NEMP2: variants seen among roughly 807,000 people sequenced by gnomAD.
NEMP2 encodes the protein UPF0571 transmembrane protein.
Under a neutral mutation model 54.2 loss-of-function variants are expected in NEMP2, and 53 were observed. The ratio of observed to expected loss-of-function variants is 0.98; its 90% confidence interval spans 0.78 to 1.23. NEMP2 has a LOEUF of 1.23. Among genes scored for constraint, NEMP2 ranks in the 50% most tolerant of loss-of-function variants. The pLI is 0.00. For synonymous variants in NEMP2, 197 were observed against 190.3 expected, an observed-to-expected ratio of 1.04 and a Z score of -0.29; for missense variants, 455 against 511.3, an observed-to-expected ratio of 0.89 and a Z score of 1.06.
At chr2:190,534,357 T>A (rs1691280252) in intron 1 of NEMP2, 12 of 1,200,576 alleles carry the variant, frequency 1.0e-5, no homozygotes, top group African/African-American at 3.3e-5. Flanking sequence ...AATGTCCAAC[T>A]GCCAGGCGAG....
the NEMP2 span, among the ~76,000 whole-genome samples, chr2:190,592,965 A>G: frequency 6.6e-6 from 1 of 152,222 alleles, no homozygotes; most frequent in Non-Finnish European, 1.5e-5. The surrounding 1 kb of genome is among the most constrained non-coding windows in gnomAD (Gnocchi z 4.4). Flanking sequence ...ACTTAATGTT[A>G]TTCAGAGTTC....
the NEMP2 span, among the ~76,000 whole-genome samples, chr2:190,540,147 A>C: frequency 6.6e-6 from 1 of 152,134 alleles, no homozygotes; most frequent in Non-Finnish European, 1.5e-5. Context: ...ATTTTATTGA[A>C]TGTTTTTCCA....
the NEMP2 span, among the ~76,000 whole-genome samples, chr2:190,638,329 C>T: frequency 2.0e-5 from 3 of 152,080 alleles, no homozygotes; most frequent in Non-Finnish European, 2.9e-5. The surrounding 1 kb of genome is among the most constrained non-coding windows in gnomAD (Gnocchi z 5.7). Flanking sequence ...AAGTAACCTG[C>T]CTATTTTTGA....
the NEMP2 span, among the ~76,000 whole-genome samples, chr2:190,450,090 A>T: frequency 2.0e-5 from 3 of 152,192 alleles, no homozygotes; most frequent in African/African-American, 7.2e-5. Flanking sequence ...AAAGCTCATA[A>T]AGTTTATTAC....
the NEMP2 span, chr2:190,436,893 C>T: frequency 1.9e-6 from 3 of 1,614,186 alleles, no homozygotes; most frequent in Non-Finnish European, 2.5e-6. This position sits in a 1 kb window ranked among gnomAD's most constrained non-coding sequence, Gnocchi z 5.3. Flanking sequence ...AAGCTATATT[C>T]TTGGTGATCT....
downstream of NEMP2, chr2:190,502,445 A>G (rs1652030694): frequency 6.6e-6 from 1 of 152,240 alleles, no homozygotes; most frequent in Non-Finnish European, 1.5e-5. The surrounding 1 kb of genome is among the most constrained non-coding windows in gnomAD (Gnocchi z 4.4). Context: ...TAGAAACAGT[A>G]AATTACCGAG....
At chr2:190,557,602 A>G in the NEMP2 span, among the ~76,000 whole-genome samples, 2 of 152,218 alleles carry the variant, frequency 1.3e-5, no homozygotes, top group African/African-American at 4.8e-5. Context: ...TCCAGAATCT[A>G]AAAAGAACTT....
chr2:190,478,577 T>A, the NEMP2 span, among the ~76,000 whole-genome samples: 1 of 152,190 alleles, frequency 6.6e-6, no homozygotes. Flanking sequence ...AAGGAGACTC[T>A]ATTTAGGATG....
In NEMP2 at chr2:190,525,448, G is replaced by T. The variant is rs1176212714; in HGVS notation, c.98-70C>A. On this transcript the variant is annotated intron_variant, in intron 1 of 8. Transcript: ENST00000409150. This position sits in a 1 kb window ranked among gnomAD's most constrained non-coding sequence, Gnocchi z 5.0. The stretch of plus-strand genomic sequence containing the variant: ...CCAGAATCTTTTTTAAAAAAAGTTT[G>T]CAGGGAGGTAACAGTAGCAGTTTTA... The T allele has an allele frequency of 5.8e-6, 5 of 856,790 alleles. No individual in the cohort carries two copies. In the African/African-American group the frequency reaches 6.8e-5, roughly 12 times the overall value. 53.1% of individuals were successfully genotyped at this position (856,790 alleles called of 1,614,324 possible). A position where few individuals can be genotyped will look rare whatever the true frequency, so the allele number is the denominator to read the frequency against.
At chr2:190,579,238 A>G in the NEMP2 span, among the ~76,000 whole-genome samples, 5 of 151,922 alleles carry the variant, frequency 3.3e-5, no homozygotes, top group African/African-American at 1.2e-4. Context: ...AGATAAGGAA[A>G]TATAGTGTAG....
At chr2:190,593,431 AT>A in the NEMP2 span, among the ~76,000 whole-genome samples, 2 of 152,132 alleles carry the variant, frequency 1.3e-5, no homozygotes, top group Admixed American at 1.3e-4. The surrounding 1 kb of genome is among the most constrained non-coding windows in gnomAD (Gnocchi z 4.5). Flanking sequence ...GCCCCAGGGT[AT>A]TTTTCTGGTT....
At chr2:190,580,333 T>C in the NEMP2 span, among the ~76,000 whole-genome samples, 1 of 152,286 alleles carries the variant, frequency 6.6e-6, no homozygotes, top group East Asian at 1.9e-4. The surrounding 1 kb of genome is among the most constrained non-coding windows in gnomAD (Gnocchi z 5.3). Context: ...TTTGGCTCTT[T>C]AGTGGCGAAT....
the NEMP2 span, among the ~76,000 whole-genome samples, chr2:190,495,745 G>A: frequency 3.3e-4 from 50 of 152,192 alleles, 1 homozygote; most frequent in East Asian, 9.5e-3. The surrounding 1 kb of genome is among the most constrained non-coding windows in gnomAD (Gnocchi z 4.7). Context: ...AAGGGGGAAA[G>A]GATACTCTAT....
rs1022959669 is a variant in NEMP2, at chr2:190,506,241, A to C, written c.*2948T>G. On this transcript the variant is annotated 3_prime_UTR_variant, in exon 9 of 9. Coordinates refer to ENST00000409150, the MANE Select transcript of NEMP2 (RefSeq NM_001142645.2). This position sits in a 1 kb window ranked among gnomAD's most constrained non-coding sequence, Gnocchi z 6.3. ...CATGCCACCCAGCAGGCTCTCTCAG[A>C]AGGCAGCTTGCTCCTGTTGTCACCT... 6.6e-6 allele frequency: 1 copy of C among 152,208 alleles called. No individual in the cohort carries two copies. Among genetic ancestry groups the C allele is most frequent in the Non-Finnish European group, 1.5e-5 (1 of 68,052 alleles). 9.4% of individuals were successfully genotyped at this position (152,208 alleles called of 1,614,324 possible). A position where few individuals can be genotyped will look rare whatever the true frequency, so the allele number is the denominator to read the frequency against.
the NEMP2 span, among the ~76,000 whole-genome samples, chr2:190,456,240 C>CT: frequency 1.3e-5 from 2 of 152,124 alleles, no homozygotes; most frequent in African/African-American, 4.8e-5. This position sits in a 1 kb window ranked among gnomAD's most constrained non-coding sequence, Gnocchi z 5.4. Context: ...CATGCCTGGC[C>CT]TGCTCTACTT....
At chr2:190,579,688 G>GTCT in the NEMP2 span, among the ~76,000 whole-genome samples, 1 of 152,190 alleles carries the variant, frequency 6.6e-6, no homozygotes, top group Non-Finnish European at 1.5e-5. Flanking sequence ...TGGGGCCCAA[G>GTCT]TCTTCCACAG....
chr2:190,474,171 C>T, the NEMP2 span, among the ~76,000 whole-genome samples: 1 of 140,076 alleles, frequency 7.1e-6, no homozygotes, highest in Non-Finnish European at 1.7e-5. Flanking sequence ...GAAGCAAGAG[C>T]AAACACATTC....
At chr2:190,619,567 A>C in the NEMP2 span, among the ~76,000 whole-genome samples, 1 of 152,148 alleles carries the variant, frequency 6.6e-6, no homozygotes, top group Non-Finnish European at 1.5e-5. This position sits in a 1 kb window ranked among gnomAD's most constrained non-coding sequence, Gnocchi z 5.5. Context: ...TGAAATCATG[A>C]GATGAAGTTA....
At chr2:190,600,234 T>C in the NEMP2 span, among the ~76,000 whole-genome samples, 8 of 152,150 alleles carry the variant, frequency 5.3e-5, no homozygotes, top group Admixed American at 2.0e-4. This position sits in a 1 kb window ranked among gnomAD's most constrained non-coding sequence, Gnocchi z 4.9. Flanking sequence ...TGCTTGATTA[T>C]TGGCTCTTCA....
Sources: allele counts gnomAD v4.1 joint callset (sites outside exome capture counted in the v4.1 genomes callset), GRCh38; gene constraint gnomAD v4.1.1; non-coding constraint Gnocchi (gnomAD v3.1); transcripts MANE v1.5; gene names NCBI Gene and HGNC (gene_info 2026-07-23, HGNC 2026-07-21).